Variants in P2RY6 observed in about 807,000 individuals in gnomAD.
P2RY6 encodes the protein pyrimidinergic receptor P2Y6.
Under a neutral mutation model 16.3 loss-of-function variants are expected in P2RY6, and 19 were observed. The observed-to-expected ratio is 1.16, with a 90% CI of 0.81 to 1.71. The LOEUF (loss-of-function observed/expected upper bound fraction) is 1.71, where lower values mean the gene tolerates loss of function less well. Ranked by LOEUF, P2RY6 falls within the 40% of genes most tolerant of loss-of-function variation. The pLI is 0.00. For synonymous variants in P2RY6, 184 were observed against 201.5 expected, an observed-to-expected ratio of 0.91 and a Z score of 0.74; for missense variants, 389 against 455.5, an observed-to-expected ratio of 0.85 and a Z score of 1.33.
chr11:73,268,014 A>G (rs369331664), upstream of P2RY6, among the ~76,000 whole-genome samples: 2 of 152,220 alleles, frequency 1.3e-5, no homozygotes, highest in East Asian at 3.8e-4. Context: ...GCTGGCTGGA[A>G]GTGGGTCCAT....
chr11:73,295,273 C>G (rs1864424748), intron 1 of P2RY6, among the ~76,000 whole-genome samples: 1 of 152,336 alleles, frequency 6.6e-6, no homozygotes, highest in Non-Finnish European at 1.5e-5. Flanking sequence ...AATGCAATGG[C>G]ATGGCATTTA....
At chr11:73,289,282 G>A (rs1864094871) in intron 1 of P2RY6, 1 of 152,604 alleles carries the variant, frequency 6.6e-6, no homozygotes, top group South Asian at 2.1e-4. Context: ...CTGCTGTGAG[G>A]GGAGGGGCTG....
intron 1 of P2RY6, among the ~76,000 whole-genome samples, chr11:73,288,202 C>T (rs577973350): frequency 6.6e-6 from 1 of 152,262 alleles, no homozygotes; most frequent in East Asian, 1.9e-4. Context: ...TACATGTGTC[C>T]AGGTTGTGGT....
At chr11:73,279,317 G>T (rs1421837165) in intron 1 of P2RY6, among the ~76,000 whole-genome samples, 1 of 152,088 alleles carries the variant, frequency 6.6e-6, no homozygotes, top group Non-Finnish European at 1.5e-5. Flanking sequence ...CCATTCTGTA[G>T]GTTGCCTTCC....
intron 1 of P2RY6, among the ~76,000 whole-genome samples, chr11:73,287,878 A>T (rs1380468664): frequency 6.6e-6 from 1 of 152,160 alleles, no homozygotes; most frequent in Non-Finnish European, 1.5e-5. Flanking sequence ...GCGTGGACTT[A>T]TACAGGCTGG....
At chr11:73,288,730 T>C (rs1447360991) in intron 1 of P2RY6, among the ~76,000 whole-genome samples, 1 of 151,700 alleles carries the variant, frequency 6.6e-6, no homozygotes, top group African/African-American at 2.4e-5. Flanking sequence ...CCCTGTATAG[T>C]AGGTAGGTAC....
chr11:73,282,955 G>A (rs1411916204), intron 1 of P2RY6, among the ~76,000 whole-genome samples: 1 of 152,158 alleles, frequency 6.6e-6, no homozygotes, highest in African/African-American at 2.4e-5. Flanking sequence ...TGCTGTGACT[G>A]TTGACAATAC....
At chr11:73,275,573 T>A (rs1436250552) in intron 1 of P2RY6, among the ~76,000 whole-genome samples, 1 of 152,206 alleles carries the variant, frequency 6.6e-6, no homozygotes, top group Non-Finnish European at 1.5e-5. Flanking sequence ...GATTCACTAG[T>A]ACTTGACAGC....
chr11:73,278,022 TATG>T (rs1863611153), intron 1 of P2RY6, among the ~76,000 whole-genome samples: 2 of 152,230 alleles, frequency 1.3e-5, no homozygotes, highest in African/African-American at 4.8e-5. Flanking sequence ...TGTCTTTTAT[TATG>T]ATAAAATATA....
intron 1 of P2RY6, among the ~76,000 whole-genome samples, chr11:73,266,069 C>T (rs901355511): frequency 2.0e-5 from 3 of 152,212 alleles, no homozygotes; most frequent in Non-Finnish European, 2.9e-5. Context: ...AACTGGGTCC[C>T]TGCCCACCCC....
Position 73,297,875 on chromosome 11 carries a change from A to G in P2RY6, c.*370A>G. On this transcript the variant is annotated 3_prime_UTR_variant, in exon 3 of 3. Transcript: ENST00000540124. ...AGGGAAGATGAGAGGGGGAGGTGAGAGCTTCTGGGAAGGGGCATTTGAGCT... is the reference window on the plus strand; with the variant it reads ...AGGGAAGATGAGAGGGGGAGGTGAGGGCTTCTGGGAAGGGGCATTTGAGCT... 4.1e-6 allele frequency: 1 copy of G among 242,056 alleles called. No homozygotes were observed. The highest frequency in any genetic ancestry group is 8.6e-6 in the Non-Finnish European group (1 of 115,996). 15.0% of individuals were successfully genotyped at this position (242,056 alleles called of 1,614,324 possible). A position where few individuals can be genotyped will look rare whatever the true frequency, so the allele number is the denominator to read the frequency against.
chr11:73,267,119 C>A (rs1315632814), intron 1 of P2RY6, among the ~76,000 whole-genome samples: 1 of 152,244 alleles, frequency 6.6e-6, no homozygotes, highest in Non-Finnish European at 1.5e-5. Flanking sequence ...TTTCTACACT[C>A]CAAAGCTGTA....
At chr11:73,291,881 C>G (rs78472655) in intron 1 of P2RY6, among the ~76,000 whole-genome samples, 521 of 152,314 alleles carry the variant, frequency 3.4e-3, no homozygotes, top group Admixed American at 8.0e-3. Context: ...GAGTAAGAAC[C>G]TGGGCCTCAA....
At chr11:73,296,019 C>A (rs911349530) in intron 2 of P2RY6, among the ~76,000 whole-genome samples, 3 of 152,022 alleles carry the variant, frequency 2.0e-5, no homozygotes, top group African/African-American at 7.2e-5. Context: ...TGATTTAGTG[C>A]TTCTAACCTC....
chr11:73,290,279 A>C (rs1864150401), intron 1 of P2RY6, among the ~76,000 whole-genome samples: 1 of 136,400 alleles, frequency 7.3e-6, no homozygotes, highest in Non-Finnish European at 1.6e-5. Flanking sequence ...AAAAGAAAGG[A>C]AGGAAAGAAA....
chr11:73,297,060 G>A lies in P2RY6; in HGVS notation c.542G>A (p.Ser181Asn), dbSNP rs1429747396. Residue 181 changes from serine (S) to asparagine (N), a missense_variant, in exon 3 of 3, where the codon AGC (serine) becomes AAC (asparagine). By Grantham distance (46) the Ser-to-Asn change is conservative. Coordinates refer to ENST00000540124, the MANE Select transcript of P2RY6 (RefSeq NM_001277204.2). ...AACCGCACTGTCTGCTATGACCTCA[G>A]CCCGCCTGCCCTGGCCACCCACTAT... The part of the protein sequence containing the change: ...QRNRTVCYDL[S>N]PPALATHYMP... 1 of 1,601,226 alleles carries A rather than the reference G, an allele frequency of 6.2e-7. No individual in the cohort carries two copies. Among genetic ancestry groups the A allele is most frequent in the Non-Finnish European group, 8.5e-7 (1 of 1,179,948 alleles).
At chr11:73,269,092 G>T (rs979921275), upstream of P2RY6, among the ~76,000 whole-genome samples, 8 of 152,204 alleles carry the variant, frequency 5.3e-5, no homozygotes, top group African/African-American at 1.9e-4. Context: ...CAGGGCCTCG[G>T]GGGTAGGACG....
chr11:73,275,325 C>A (rs1272895236), intron 1 of P2RY6, among the ~76,000 whole-genome samples: 1 of 152,176 alleles, frequency 6.6e-6, no homozygotes, highest in East Asian at 1.9e-4. Context: ...GATCTCAACT[C>A]AGAGTGAGGG....
chr11:73,272,651 C>T (rs1863362329), intron 1 of P2RY6, among the ~76,000 whole-genome samples, 185 bp downstream of exon 1: 1 of 152,214 alleles, frequency 6.6e-6, no homozygotes, highest in Non-Finnish European at 1.5e-5. Context: ...GACTGCACAG[C>T]ATGGAGGGAC....
Sources: gnomAD v4.1 joint callset for allele counts (sites outside exome capture counted in the v4.1 genomes callset) on GRCh38, gnomAD v4.1.1 for gene constraint, MANE v1.5 for transcripts, NCBI Gene and HGNC (gene_info 2026-07-23, HGNC 2026-07-21) for gene names.